Variants in SH3GL1 observed in about 807,000 individuals in gnomAD.
The protein encoded by SH3GL1 is endophilin-A2.
In SH3GL1, 21 loss-of-function variants were observed where a neutral mutation model predicts 48.8. The ratio of observed to expected loss-of-function variants is 0.43; its 90% CI spans 0.30 to 0.62. The LOEUF (loss-of-function observed/expected upper bound fraction) is 0.62. Among genes scored for constraint, SH3GL1 ranks in the 20% least tolerant of loss-of-function variants. The pLI, the probability that SH3GL1 is intolerant of heterozygous loss-of-function variation, is 0.11. For missense variants in SH3GL1, 454 were observed against 503.0 expected (o/e 0.90, Z 0.93); for synonymous variants, 282 against 217.5 (o/e 1.30, Z -2.61).
At chr19:4,362,844 G>C (rs1396450480) in intron 7 of SH3GL1, 108 bp from the exon 8 acceptor site, 1 of 1,551,810 alleles carries the variant, frequency 6.4e-7, no homozygotes. Flanking sequence ...TGCAGGAAGA[G>C]GCCGTCAGTG....
chr19:4,366,496 C>T lies in SH3GL1; in HGVS notation c.187+5G>A, dbSNP rs769452074. The stretch of plus-strand genomic sequence containing the variant: ...GCAGGCCCTGGCAGTGGCTGGAGCA[C>T]CCACCTGGGTTGGGCTGCAGGTACT... On this transcript the variant is annotated splice_donor_5th_base_variant and intron_variant, in intron 3 of 9. Coordinates refer to ENST00000269886, the MANE Select transcript of SH3GL1 (RefSeq NM_003025.4). The T allele has an allele frequency of 3.1e-6, 5 of 1,607,626 alleles. No homozygotes were observed. Among genetic ancestry groups the T allele is most frequent in the Admixed American group, 3.4e-5 (2 of 59,578 alleles).
At chr19:4,363,691 C>T (rs1972690346) in intron 6 of SH3GL1, 29 bp downstream of exon 6, 6 of 1,612,062 alleles carry the variant, frequency 3.7e-6, no homozygotes, top group Middle Eastern at 2.0e-4. Context: ...CATAGGTCTT[C>T]TCAGGATGTG....
chr19:4,362,666 C>G lies in SH3GL1; in HGVS notation c.799G>C (p.Glu267Gln). The G allele has an allele frequency of 6.2e-7, 1 of 1,613,988 alleles. No individual in the cohort carries two copies. The highest frequency in any genetic ancestry group is 8.5e-7 in the Non-Finnish European group (1 of 1,179,958). Residue 267 changes from glutamate (E) to glutamine (Q), a missense_variant, in exon 8 of 10, where the codon GAG becomes CAG. This residue lies in a region of SH3GL1 where 278 missense variants were observed against 246.8 expected (regional missense o/e 1.13). Transcript: ENST00000269886. ...AAGCCCCCGTTGGACTGCTCAGGCTCTCCAAGGTCAAAGGGCTCCCGGGGC... is the reference window on the plus strand; with the variant it reads ...AAGCCCCCGTTGGACTGCTCAGGCTGTCCAAGGTCAAAGGGCTCCCGGGGC... ...PKPREPFDLG[E>Q]PEQSNGGFPC...
chr19:4,387,920 C>A (rs142584803), intron 1 of SH3GL1, among the ~76,000 whole-genome samples: 1,728 of 152,074 alleles, frequency 0.011, 32 homozygotes, highest in African/African-American at 0.04. Flanking sequence ...AGTGCACTGG[C>A]GCGATCTCAG....
chr19:4,361,939 CACTTCT>C (rs1972628813), intron 9 of SH3GL1, 143 bp from the exon 10 acceptor site: 18 of 648,044 alleles, frequency 2.8e-5, no homozygotes, highest in Non-Finnish European at 4.8e-5. Context: ...CTGCCCCTGC[CACTTCT>C]GGGGTCCGGC....
chr19:4,386,860 G>C (rs1018209621), intron 1 of SH3GL1, among the ~76,000 whole-genome samples: 1 of 152,224 alleles, frequency 6.6e-6, no homozygotes, highest in African/African-American at 2.4e-5. Flanking sequence ...TTCCCACAGC[G>C]TGGCAGCTAA....
In SH3GL1 at chr19:4,362,748, G is replaced by A. The variant is rs569662877; in HGVS notation, c.729-12C>T. 1.3e-5 allele frequency: 21 copies of A among 1,613,724 alleles called. No individual in the cohort carries two copies. The highest frequency in any genetic ancestry group is 1.4e-5 in the Non-Finnish European group (17 of 1,180,010). On this transcript the variant is annotated splice_polypyrimidine_tract_variant and intron_variant, in intron 7 of 9. Transcript: ENST00000269886. ...AAGCTTCCCGCATCCTGTGAAGGGA[G>A]AGGCGTGAGTGGACCGAGCCCGTGT... is the stretch of plus-strand genomic sequence containing the variant.
At chr19:4,392,570 A>AC (rs1491329287) in intron 1 of SH3GL1, among the ~76,000 whole-genome samples, 58 of 140,496 alleles carry the variant, frequency 4.1e-4, no homozygotes, top group African/African-American at 1.4e-3. Context: ...ACACACACAC[A>AC]AAAGATCATT....
At chr19:4,373,921 G>C (rs908814593) in intron 1 of SH3GL1, among the ~76,000 whole-genome samples, 1 of 152,252 alleles carries the variant, frequency 6.6e-6, no homozygotes, top group African/African-American at 2.4e-5. Flanking sequence ...ATCGCCTTGG[G>C]GGTGCGTTTC....
At chr19:4,395,134 T>G (rs1014786833) in intron 1 of SH3GL1, among the ~76,000 whole-genome samples, 1 of 146,514 alleles carries the variant, frequency 6.8e-6, no homozygotes, top group South Asian at 2.2e-4. Context: ...CACTGGAAAC[T>G]GTCCCTTTTC....
intron 1 of SH3GL1, among the ~76,000 whole-genome samples, chr19:4,378,592 G>C (rs765158134): frequency 2.6e-5 from 4 of 152,152 alleles, no homozygotes; most frequent in Admixed American, 1.3e-4. Context: ...GTGCATGCCT[G>C]TAATCCCAGC....
intron 1 of SH3GL1, among the ~76,000 whole-genome samples, chr19:4,373,608 G>C (rs1022628010): frequency 6.6e-6 from 1 of 152,216 alleles, no homozygotes; most frequent in African/African-American, 2.4e-5. Context: ...GCTCCTCTGG[G>C]AACCAAGCTC....
chr19:4,366,912 A>C lies in SH3GL1; in HGVS notation c.114+14T>G. Reference sequence around the variant, plus strand: ...AGTGCCACCACCACACAGAGCACGCAGTTTCTTCCTCACCTTCTCCATCTC... The same window carrying C: ...AGTGCCACCACCACACAGAGCACGCCGTTTCTTCCTCACCTTCTCCATCTC... On this transcript the variant is annotated intron_variant, in intron 2 of 9. Transcript: ENST00000269886. The C allele has an allele frequency of 6.2e-7, 1 of 1,613,096 alleles. No individual in the cohort carries two copies. Among genetic ancestry groups the C allele is most frequent in the Non-Finnish European group, 8.5e-7 (1 of 1,179,178 alleles).
rs147741212 is a variant in SH3GL1, at chr19:4,363,471, G to A, written c.627C>T (p.Ile209=). 2.0e-5 allele frequency: 33 copies of A among 1,611,080 alleles called. No individual in the cohort carries two copies. Among genetic ancestry groups the A allele is most frequent in the South Asian group, 1.7e-4 (15 of 90,752 alleles). The part of the protein sequence containing the change: ...TSMHNLLETD[I]EQVSQLSALV... ...GGGCCGAGAGCTGACTCACCTGCTC[G>A]ATCTGTGGGGACAGTAGGGCTCAGG... is the stretch of plus-strand genomic sequence containing the variant. Residue 209 remains isoleucine (I), a splice_region_variant and synonymous_variant, in exon 7 of 10, where the codon ATC becomes ATT. Coordinates refer to ENST00000269886, the MANE Select transcript of SH3GL1 (RefSeq NM_003025.4).
chr19:4,370,343 C>A (rs1166378219), intron 1 of SH3GL1, among the ~76,000 whole-genome samples: 1 of 152,204 alleles, frequency 6.6e-6, no homozygotes, highest in Non-Finnish European at 1.5e-5. Context: ...ATGACAGCTC[C>A]GCACTCGAGT....
chr19:4,380,319 C>G (rs547912942), intron 1 of SH3GL1: 6 of 152,450 alleles, frequency 3.9e-5, no homozygotes, highest in African/African-American at 1.4e-4. Context: ...AACCCAGGCT[C>G]GCACACACAC....
chr19:4,398,258 G>A (rs1973458564), intron 1 of SH3GL1, among the ~76,000 whole-genome samples: 1 of 152,138 alleles, frequency 6.6e-6, no homozygotes, highest in Non-Finnish European at 1.5e-5. Flanking sequence ...AACCCTGTTT[G>A]CCACCTTGGC....
At chr19:4,370,789 C>A (rs937279802) in intron 1 of SH3GL1, among the ~76,000 whole-genome samples, 3 of 152,348 alleles carry the variant, frequency 2.0e-5, no homozygotes, top group African/African-American at 7.2e-5. Flanking sequence ...CCCTGCCAGG[C>A]GAGGACCAGG....
intron 9 of SH3GL1, among the ~76,000 whole-genome samples, chr19:4,362,035 A>T (rs1335835219): frequency 6.6e-6 from 1 of 152,182 alleles, no homozygotes; most frequent in East Asian, 1.9e-4. Context: ...AGTGCTGGGG[A>T]CACCCGGTGC....
Sources: allele counts gnomAD v4.1 joint callset (sites outside exome capture counted in the v4.1 genomes callset), GRCh38; gene constraint gnomAD v4.1.1; regional missense constraint gnomAD v4.1.1; transcripts MANE v1.5; gene names NCBI Gene and HGNC (gene_info 2026-07-23, HGNC 2026-07-21).